FHL5: variants seen among roughly 807,000 people sequenced by gnomAD.
FHL5 encodes the protein four and a half LIM domains protein 5.
In FHL5, 33 loss-of-function variants were observed where a neutral mutation model predicts 32.0. The ratio of observed to expected loss-of-function variants is 1.03; its 90% CI spans 0.78 to 1.38. The LOEUF (loss-of-function observed/expected upper bound fraction) is 1.38. Ranked by LOEUF, FHL5 falls within the 40% of genes most tolerant of loss-of-function variation. FHL5 has a pLI of 0.00. For missense variants in FHL5, 336 were observed against 343.9 expected (o/e 0.98, Z 0.18); for synonymous variants, 114 against 113.6 (o/e 1.00, Z -0.02).
Position 96,617,870 on chromosome 6 carries a change from CATAAGT to C in FHL5, c.*2103_*2108del, listed in dbSNP as rs1397745589. 6.6e-6 allele frequency among the ~76,000 whole-genome samples: 1 copy of C among 152,168 alleles called. No individual in the cohort carries two copies. Among genetic ancestry groups the C allele is most frequent in the Non-Finnish European group, 1.5e-5 (1 of 68,022 alleles). The stretch of plus-strand genomic sequence containing the variant: ...TTTCCTAAAGATTTTATTATCCTTT[CATAAGT>C]ATAAATATATATACTTTTACATATA... On this transcript the variant is annotated 3_prime_UTR_variant, in exon 6 of 6. Coordinates refer to ENST00000450218, the MANE Select transcript of FHL5 (RefSeq NM_001322466.2).
At chr6:96,589,576 T>C (rs1770872834) in intron 1 of FHL5, among the ~76,000 whole-genome samples, 1 of 152,012 alleles carries the variant, frequency 6.6e-6, no homozygotes, top group Non-Finnish European at 1.5e-5. Context: ...TTCACATGTT[T>C]TGGATATGAC....
Position 96,610,511 on chromosome 6 carries a change from A to T in FHL5, c.505-61A>T, listed in dbSNP as rs1405497304. 6.4e-6 allele frequency: 8 copies of T among 1,255,048 alleles called. No homozygotes were observed. The African/African-American group carries it at 1.2e-4, about 19-fold the overall frequency. 77.7% of individuals were successfully genotyped at this position (1,255,048 alleles called of 1,614,324 possible). On this transcript the variant is annotated intron_variant, in intron 4 of 5. Coordinates refer to ENST00000450218, the MANE Select transcript of FHL5 (RefSeq NM_001322466.2). Reference sequence around the variant, plus strand: ...GAGATACTAGGATCTCAAAAGAATCATGAAATGATCTGAATTGTAATGGCT... The same window carrying T: ...GAGATACTAGGATCTCAAAAGAATCTTGAAATGATCTGAATTGTAATGGCT...
At chr6:96,599,512 G>C (rs1771107322) in intron 1 of FHL5, among the ~76,000 whole-genome samples, 1 of 152,036 alleles carries the variant, frequency 6.6e-6, no homozygotes. Context: ...TCTTTTTAGG[G>C]AGAAATCTAA....
intron 2 of FHL5, among the ~76,000 whole-genome samples, chr6:96,604,008 G>A (rs1771214211): frequency 6.6e-6 from 1 of 152,168 alleles, no homozygotes; most frequent in African/African-American, 2.4e-5. Context: ...AAAGATTAAA[G>A]GGGTTAAGCT....
intron 5 of FHL5, 92 bp from the exon 6 acceptor site, chr6:96,615,517 C>T: frequency 9.6e-7 from 1 of 1,043,350 alleles, no homozygotes; most frequent in Non-Finnish European, 1.4e-6. Context: ...TTGCTCATAG[C>T]TCTATCTCCA....
At chr6:96,610,866 A>G (rs1261246844) in intron 5 of FHL5, 108 bp downstream of exon 5, 2 of 792,852 alleles carry the variant, frequency 2.5e-6, no homozygotes, top group Non-Finnish European at 4.1e-6. Flanking sequence ...GCTTTCCTTT[A>G]TATTTCCTTT....
At chr6:96,594,918 C>T (rs1004185033) in intron 1 of FHL5, among the ~76,000 whole-genome samples, 1 of 151,916 alleles carries the variant, frequency 6.6e-6, no homozygotes, top group African/African-American at 2.4e-5. Context: ...ACAATCAACT[C>T]TTTCCTCACT....
intron 4 of FHL5, among the ~76,000 whole-genome samples, chr6:96,607,140 T>G (rs1272896136): frequency 2.6e-5 from 4 of 152,156 alleles, no homozygotes; most frequent in Non-Finnish European, 4.4e-5. Flanking sequence ...TCTAACACCT[T>G]GATGAAGCCT....
At chr6:96,589,561 ACTTC>A (rs1770872427) in intron 1 of FHL5, among the ~76,000 whole-genome samples, 1 of 151,726 alleles carries the variant, frequency 6.6e-6, no homozygotes, top group Non-Finnish European at 1.5e-5. Flanking sequence ...GATTCGTAGG[ACTTC>A]TTCACATGTT....
chr6:96,575,752 A>C (rs991841022), intron 1 of FHL5, among the ~76,000 whole-genome samples: 2 of 152,210 alleles, frequency 1.3e-5, no homozygotes, highest in African/African-American at 2.4e-5. Flanking sequence ...AACTCAAAAA[A>C]AAATTCTTGA....
At chr6:96,612,765 G>A (rs181492543) in intron 5 of FHL5, among the ~76,000 whole-genome samples, 77 of 152,070 alleles carry the variant, frequency 5.1e-4, no homozygotes, top group African/African-American at 1.6e-3. Flanking sequence ...CTTTGTGATT[G>A]AGACACCAGA....
At chr6:96,585,644 T>C (rs1027314963) in intron 1 of FHL5, among the ~76,000 whole-genome samples, 1 of 152,162 alleles carries the variant, frequency 6.6e-6, no homozygotes, top group Non-Finnish European at 1.5e-5. Context: ...CCTATCTCCA[T>C]GGGGAACAAA....
Position 96,585,293 on chromosome 6 carries a change from TA to T in FHL5, c.-12-18306del, listed in dbSNP as rs1040649938. Reference sequence around the variant, plus strand: ...ATTTAAATTCTTCCAAGTACTTCCCTAAAGAAAAAAGAAAAAATCTACTTTA... The same window carrying T: ...ATTTAAATTCTTCCAAGTACTTCCCTAAGAAAAAAGAAAAAATCTACTTTA... On this transcript the variant is annotated intron_variant, in intron 1 of 5. Transcript: ENST00000450218. Among the ~76,000 whole-genome samples, 3 of 151,998 alleles carry T rather than the reference TA, an allele frequency of 2.0e-5. 1 individual carries two copies. Among genetic ancestry groups the T allele is most frequent in the Admixed American group, 2.0e-4 (3 of 15,246 alleles).
chr6:96,576,686 C>T (rs1313015151), intron 1 of FHL5, among the ~76,000 whole-genome samples: 1 of 152,186 alleles, frequency 6.6e-6, no homozygotes. Flanking sequence ...GATTCTAGAA[C>T]CAAACATCTG....
intron 1 of FHL5, among the ~76,000 whole-genome samples, chr6:96,590,596 C>T (rs1389285655): frequency 6.6e-6 from 1 of 151,864 alleles, no homozygotes; most frequent in Non-Finnish European, 1.5e-5. Context: ...ACTTTTTTCC[C>T]TCACCTTACT....
intron 1 of FHL5, among the ~76,000 whole-genome samples, chr6:96,601,422 T>G (rs1446219171): frequency 1.3e-5 from 2 of 152,204 alleles, no homozygotes; most frequent in African/African-American, 2.4e-5. Flanking sequence ...TAATTAGGAC[T>G]GGGGTGGGAG....
rs955452992 is a variant in FHL5 at position 96,615,979 on chromosome 6, G to A, written c.*207G>A. The stretch of plus-strand genomic sequence containing the variant: ...AAATGAATATATGCTAAATCACAAA[G>A]ACAACTCTCCTTGCAAAATACTGCA... On this transcript the variant is annotated 3_prime_UTR_variant, in exon 6 of 6. Transcript: ENST00000450218. 3 of 385,486 alleles carry A rather than the reference G, an allele frequency of 7.8e-6. No homozygotes were observed. The highest frequency in any genetic ancestry group is 2.1e-5 in the African/African-American group (1 of 47,934). The allele number at this position is 385,486 out of a possible 1,614,324, so 23.9% of individuals were successfully genotyped here. A position where few individuals can be genotyped will look rare whatever the true frequency, so the allele number is the denominator to read the frequency against.
chr6:96,569,287 T>C (rs1471115728), intron 1 of FHL5, among the ~76,000 whole-genome samples: 3 of 152,198 alleles, frequency 2.0e-5, no homozygotes, highest in African/African-American at 7.2e-5. Context: ...CTAGTTTTAT[T>C]ATATTGTGGT....
chr6:96,587,980 T>C (rs1770832942), intron 1 of FHL5, among the ~76,000 whole-genome samples: 1 of 152,210 alleles, frequency 6.6e-6, no homozygotes, highest in African/African-American at 2.4e-5. Context: ...TTTCCCTTGA[T>C]GGACATTCAG....
Sources: allele counts gnomAD v4.1 joint callset (sites outside exome capture counted in the v4.1 genomes callset), GRCh38; gene constraint gnomAD v4.1.1; transcripts MANE v1.5; gene names NCBI Gene and HGNC (gene_info 2026-07-23, HGNC 2026-07-21).